The following PDE4D variants were observed in gnomAD, a reference collection of about 807,000 sequenced individuals.
The protein encoded by PDE4D is phosphodiesterase 4D, also known as 3',5'-cyclic-AMP phosphodiesterase 4D.
A neutral mutation model predicts 87.4 loss-of-function variants in PDE4D; 24 were observed. That is an observed-to-expected ratio of 0.27 (90% CI 0.20 to 0.39). The LOEUF (loss-of-function observed/expected upper bound fraction) is 0.39, where lower values mean the gene tolerates loss of function less well. PDE4D is among the 10% of genes least tolerant of loss of function. The pLI is 1.00. For missense variants in PDE4D, 714 were observed against 1,041.0 expected (o/e 0.69, Z 4.32); for synonymous variants, 384 against 383.2 (o/e 1.00, Z -0.02).
intron 2 of PDE4D, among the ~76,000 whole-genome samples, chr5:60,000,430 T>C (rs550811953): frequency 2.4e-4 from 37 of 152,254 alleles, no homozygotes; most frequent in Non-Finnish European, 5.0e-4. Flanking sequence ...GGACAATATA[T>C]TCAAAGTGCT....
At chr5:59,137,855 C>T (rs1042896815) in intron 5 of PDE4D, among the ~76,000 whole-genome samples, 1 of 152,290 alleles carries the variant, frequency 6.6e-6, no homozygotes, top group African/African-American at 2.4e-5. Context: ...GAGAGAAAAA[C>T]GCCAACCCTG....
intron 5 of PDE4D, among the ~76,000 whole-genome samples, chr5:59,160,157 G>A (rs1780836354): frequency 6.6e-6 from 1 of 152,154 alleles, no homozygotes; most frequent in African/African-American, 2.4e-5. Flanking sequence ...TGAAATGTAG[G>A]AAATCTAAGG....
intron 2 of PDE4D, among the ~76,000 whole-genome samples, chr5:60,052,539 C>G (rs1244162153): frequency 6.6e-6 from 1 of 152,148 alleles, no homozygotes; most frequent in African/African-American, 2.4e-5. Flanking sequence ...AAACATATCT[C>G]AAAATAGTAA....
chr5:60,369,832 A>C (rs74927211), intron 1 of PDE4D, among the ~76,000 whole-genome samples: 4,415 of 152,126 alleles, frequency 0.029, 98 homozygotes, highest in Middle Eastern at 0.078. Context: ...TGCACACACA[A>C]AAAAAAATCA....
At chr5:60,226,150 T>C (rs1745072238) in intron 1 of PDE4D, among the ~76,000 whole-genome samples, 1 of 152,138 alleles carries the variant, frequency 6.6e-6, no homozygotes, top group Non-Finnish European at 1.5e-5. Flanking sequence ...TAAATCAAAG[T>C]ATTTGGATAT....
intron 1 of PDE4D, among the ~76,000 whole-genome samples, chr5:59,247,796 G>A (rs1226309983): frequency 6.6e-6 from 1 of 151,904 alleles, no homozygotes; most frequent in African/African-American, 2.4e-5. Context: ...CAGGAGCCCA[G>A]CACCACACCA....
chr5:60,214,170 T>C (rs1020274289), intron 1 of PDE4D, among the ~76,000 whole-genome samples: 1 of 152,220 alleles, frequency 6.6e-6, no homozygotes, highest in Admixed American at 6.5e-5. Context: ...GAAAACTTTA[T>C]TAGTATCACT....
rs16877696 is a variant in PDE4D at position 60,172,709 on chromosome 5, C to A, written c.42+12848G>T. On this transcript the variant is annotated intron_variant, in intron 2 of 16. Transcript: ENST00000502484. ...TCTAAAGAGGCTTTAACCAGGCCAT[C>A]TTTGCTACAGGGACAATTGGTAGTC... 7.7e-3 allele frequency among the ~76,000 whole-genome samples: 1,177 copies of A among 152,258 alleles called. 14 individuals carry two copies. Among genetic ancestry groups the A allele is most frequent in the African/African-American group, 0.027 (1,121 of 41,560 alleles).
At chr5:60,355,243 CCTGA>C (rs1437497255) in intron 1 of PDE4D, among the ~76,000 whole-genome samples, 1 of 152,164 alleles carries the variant, frequency 6.6e-6, no homozygotes. Context: ...CCTTTGGTCA[CCTGA>C]CTATTATACT....
intron 3 of PDE4D, among the ~76,000 whole-genome samples, chr5:59,958,789 AG>A (rs1759143373): frequency 6.6e-6 from 1 of 152,146 alleles, no homozygotes; most frequent in Non-Finnish European, 1.5e-5. Context: ...GAACAAGACA[AG>A]GATGCCCATT....
At chr5:59,443,789 T>C (rs1290163277) in intron 1 of PDE4D, among the ~76,000 whole-genome samples, 1 of 152,184 alleles carries the variant, frequency 6.6e-6, no homozygotes, top group African/African-American at 2.4e-5. Flanking sequence ...TGTCATACAG[T>C]CTAAGAGATA....
chr5:58,975,013 G>A lies in PDE4D; in HGVS notation c.2081C>T (p.Ala694Val), dbSNP rs781640099. Residue 694 changes from alanine to valine, a missense_variant, in exon 15 of 15, where the codon GCC becomes GTC. Coordinates refer to ENST00000340635, the MANE Select transcript of PDE4D (RefSeq NM_001104631.2). This position sits in a 1 kb window ranked among gnomAD's most constrained non-coding sequence, Gnocchi z 4.2. ...CTCCAAAGTGTCCAAAATATCCTGGGCGTCAGGGTGGACGAGGTCTGCCCA... is the reference window on the plus strand; with the variant it reads ...CTCCAAAGTGTCCAAAATATCCTGGACGTCAGGGTGGACGAGGTCTGCCCA... The part of the protein sequence containing the change: ...ETWADLVHPD[A>V]QDILDTLEDN... 1.9e-6 allele frequency: 3 copies of A among 1,607,156 alleles called. No individual in the cohort carries two copies. The highest frequency in any genetic ancestry group is 2.2e-5 in the South Asian group (2 of 90,464).
At chr5:59,430,300 C>G in intron 1 of PDE4D, 1 of 1,231,264 alleles carries the variant, frequency 8.1e-7, no homozygotes, top group Non-Finnish European at 1.0e-6. Context: ...TTACCGTCTC[C>G]TCTGTGGCTT....
intron 2 of PDE4D, among the ~76,000 whole-genome samples, chr5:60,024,898 G>A (rs1490123071): frequency 1.3e-5 from 2 of 148,426 alleles, no homozygotes; most frequent in Non-Finnish European, 3.0e-5. Flanking sequence ...AACAAGCAGA[G>A]AAAAAAAAAA....
In PDE4D at chr5:58,990,815, T is replaced by A; in HGVS notation, c.1276A>T (p.Thr426Ser). 1 of 1,573,918 alleles carries A rather than the reference T, an allele frequency of 6.4e-7. No homozygotes were observed. ...GNRPLTVIMH[T>S]IFQERDLLKT... ...CTCAACCACCTTACCTGAAAAATGGTGTGCATGATAACAGTCAAGGGCCGG... is the reference window on the plus strand; with the variant it reads ...CTCAACCACCTTACCTGAAAAATGGAGTGCATGATAACAGTCAAGGGCCGG... The change falls in exon 9 of 15, where the codon ACC becomes TCC. Residue 426 changes from threonine to serine, a missense_variant. Thr to Ser is a moderately conservative substitution (Grantham distance 58, BLOSUM62 1). Coordinates refer to ENST00000340635, the MANE Select transcript of PDE4D (RefSeq NM_001104631.2).
chr5:59,140,959 G>A (rs10069146), intron 5 of PDE4D, among the ~76,000 whole-genome samples: 2 of 152,090 alleles, frequency 1.3e-5, no homozygotes, highest in African/African-American at 2.4e-5. Context: ...GCATACAAGT[G>A]CTACTTTTAA....
At chr5:60,048,845 T>C (rs1239488378) in intron 2 of PDE4D, among the ~76,000 whole-genome samples, 3 of 152,190 alleles carry the variant, frequency 2.0e-5, no homozygotes, top group African/African-American at 7.2e-5. Flanking sequence ...TTATGTGTCT[T>C]GGAGTTGCTC....
chr5:59,155,852 G>T (rs144783012), intron 5 of PDE4D, among the ~76,000 whole-genome samples: 199 of 152,226 alleles, frequency 1.3e-3, no homozygotes, highest in African/African-American at 4.4e-3. Flanking sequence ...GAGACCTATG[G>T]ATAACATCTA....
chr5:59,709,347 C>G (rs1296662792), intron 1 of PDE4D, among the ~76,000 whole-genome samples: 1 of 152,170 alleles, frequency 6.6e-6, no homozygotes, highest in Non-Finnish European at 1.5e-5. Context: ...TATTTCACAG[C>G]TGAAAGCCAA....
Sources: gnomAD v4.1 joint callset for allele counts (sites outside exome capture counted in the v4.1 genomes callset) on GRCh38, gnomAD v4.1.1 for gene constraint, Gnocchi (gnomAD v3.1) non-coding constraint, MANE v1.5 for transcripts, NCBI Gene and HGNC (gene_info 2026-07-23, HGNC 2026-07-21) for gene names.